AP1AR: variants seen among roughly 807,000 people sequenced by gnomAD.
AP1AR encodes AP-1 complex-associated regulatory protein.
A neutral mutation model predicts 46.3 loss-of-function variants in AP1AR; 29 were observed. The observed-to-expected ratio is 0.63, with a 90% CI of 0.47 to 0.85. The LOEUF is 0.85. Among genes scored for constraint, AP1AR ranks in the 40% least tolerant of loss-of-function variants. The pLI, the probability that AP1AR is intolerant of heterozygous loss-of-function variation, is 0.00. For synonymous variants in AP1AR, 122 were observed against 122.9 expected (o/e 0.99, Z 0.05); for missense variants, 357 against 356.3 (o/e 1.00, Z -0.02).
rs1578427145 is a variant in AP1AR at position 112,270,938 on chromosome 4, A to G, written c.*2529A>G. 6.6e-6 allele frequency among the ~76,000 whole-genome samples: 1 copy of G among 152,350 alleles called. No individual in the cohort carries two copies. Among genetic ancestry groups the G allele is most frequent in the South Asian group, 2.1e-4 (1 of 4,832 alleles). On this transcript the variant is annotated 3_prime_UTR_variant, in exon 10 of 10. Transcript: ENST00000274000. ...ATGGATTGTAAGAAGGCAAGAGTGG[A>G]TATATAGCACTCCCAATGGAATATA...
chr4:112,262,890 T>A (rs1726514413), intron 5 of AP1AR, 98 bp from the exon 6 acceptor site: 1 of 755,056 alleles, frequency 1.3e-6, no homozygotes. Flanking sequence ...TATTTTTTAA[T>A]AATTTATTTT....
In AP1AR at chr4:112,231,869, C is replaced by G. The variant is rs1056716291; in HGVS notation, c.-223C>G. ...AGAGCCTTGAGCCCGGTGCTCCTCC[C>G]TCGCGCAGCGGTGGCTCTGCGGCCG... On this transcript the variant is annotated 5_prime_UTR_variant, in exon 1 of 10. Transcript: ENST00000274000. 1 of 397,686 alleles carries G rather than the reference C, an allele frequency of 2.5e-6. No homozygotes were observed. Among genetic ancestry groups the G allele is most frequent in the Non-Finnish European group, 4.4e-6 (1 of 225,750 alleles). The allele number at this position is 397,686 out of a possible 1,614,324, so 24.6% of individuals were successfully genotyped here. A position where few individuals can be genotyped will look rare whatever the true frequency, so the allele number is the denominator to read the frequency against.
chr4:112,263,544 A>C (rs1164081126), intron 6 of AP1AR, among the ~76,000 whole-genome samples: 1 of 151,484 alleles, frequency 6.6e-6, no homozygotes, highest in Non-Finnish European at 1.5e-5. Context: ...TATTTTCCCC[A>C]TAAAATTATT....
At chr4:112,262,928 T>C in intron 5 of AP1AR, 60 bp from the exon 6 acceptor site, 1 of 1,105,700 alleles carries the variant, frequency 9.0e-7, no homozygotes, top group South Asian at 1.3e-5. Flanking sequence ...GCATTTTATT[T>C]TTAGAGCAGT....
In AP1AR at chr4:112,265,025, T is replaced by C. The variant is rs763182366; in HGVS notation, c.398T>C (p.Ile133Thr). 1 of 1,602,866 alleles carries C rather than the reference T, an allele frequency of 6.2e-7. No homozygotes were observed. The highest frequency in any genetic ancestry group is 1.1e-5 in the South Asian group (1 of 88,350). Residue 133 changes from isoleucine to threonine, a missense_variant, in exon 7 of 10, where the codon ATT (isoleucine) becomes ACT (threonine). Coordinates refer to ENST00000274000, the MANE Select transcript of AP1AR (RefSeq NM_018569.6). ...TTTCCAAAGCAAGAAAGGCAGAGAA[T>C]TGTGCAGCAATATCATCCTTCCAAC... Reference protein sequence around the residue: ...RKLLEQERQRIVQQYHPSNNG... With the variant: ...RKLLEQERQRTVQQYHPSNNG...
rs1366462207 is a variant in AP1AR at position 112,231,992 on chromosome 4, ACC to A, written c.-97_-96del. ...TGGCCGGCCCGCCCTCGGTCCTTGA[ACC>A]CCATTTCGGCTCGTGCCGTGCGGAT... On this transcript the variant is annotated 5_prime_UTR_variant, in exon 1 of 10. Coordinates refer to ENST00000274000, the MANE Select transcript of AP1AR (RefSeq NM_018569.6). 2 of 1,146,998 alleles carry A rather than the reference ACC, an allele frequency of 1.7e-6. No homozygotes were observed. The highest frequency in any genetic ancestry group is 5.4e-5 in the South Asian group (2 of 37,220). The allele number at this position is 1,146,998 out of a possible 1,614,324, so 71.1% of individuals were successfully genotyped here. A position where few individuals can be genotyped will look rare whatever the true frequency, so the allele number is the denominator to read the frequency against.
At chr4:112,267,327 G>T (rs1726750224) in intron 9 of AP1AR, among the ~76,000 whole-genome samples, 1 of 151,876 alleles carries the variant, frequency 6.6e-6, no homozygotes, top group Non-Finnish European at 1.5e-5. Context: ...TGTTGATTCT[G>T]TACTTACAGA....
At chr4:112,248,578 C>T (rs756688762) in intron 1 of AP1AR, among the ~76,000 whole-genome samples, 3 of 151,962 alleles carry the variant, frequency 2.0e-5, no homozygotes, top group East Asian at 3.8e-4. Flanking sequence ...TTTTTAAGTG[C>T]GGTAATGGGT....
chr4:112,249,183 A>C (rs1578409961), intron 1 of AP1AR, among the ~76,000 whole-genome samples: 1 of 151,946 alleles, frequency 6.6e-6, no homozygotes, highest in African/African-American at 2.4e-5. Flanking sequence ...AATCCCAGCT[A>C]CTCGGGAGGC....
intron 7 of AP1AR, 63 bp from the exon 8 acceptor site, chr4:112,265,671 T>G (rs1052459694): frequency 8.2e-7 from 1 of 1,213,010 alleles, no homozygotes; most frequent in Non-Finnish European, 1.2e-6. Context: ...ATCATTAGCT[T>G]ATATATTTGT....
intron 1 of AP1AR, among the ~76,000 whole-genome samples, chr4:112,244,178 T>G (rs1013162857): frequency 6.6e-6 from 1 of 152,198 alleles, no homozygotes; most frequent in Admixed American, 6.5e-5. Flanking sequence ...ACCATTTTCA[T>G]GGGTAAAAAG....
intron 1 of AP1AR, among the ~76,000 whole-genome samples, chr4:112,237,296 C>T (rs1339812338): frequency 2.6e-5 from 4 of 151,774 alleles, no homozygotes; most frequent in Non-Finnish European, 4.4e-5. Flanking sequence ...TTAGTAGAGA[C>T]GGGGTTTCGC....
chr4:112,238,508 T>C (rs1725349316), intron 1 of AP1AR, among the ~76,000 whole-genome samples: 1 of 152,162 alleles, frequency 6.6e-6, no homozygotes, highest in South Asian at 2.1e-4. Context: ...AAGATTTATT[T>C]TGGTTCTGCA....
intron 4 of AP1AR, among the ~76,000 whole-genome samples, chr4:112,259,486 G>A (rs1312591137): frequency 1.3e-5 from 2 of 152,174 alleles, no homozygotes; most frequent in South Asian, 2.1e-4. Context: ...TATATGTGAA[G>A]CATTGAGAAG....
chr4:112,241,034 C>T (rs748894414), intron 1 of AP1AR, among the ~76,000 whole-genome samples: 1 of 152,094 alleles, frequency 6.6e-6, no homozygotes, highest in Non-Finnish European at 1.5e-5. Context: ...CTCTAAGGTC[C>T]CTTCTCATTA....
At position 112,268,137 on chromosome 4, in the gene AP1AR, A is replaced by G. The variant is rs1162986295; in HGVS notation, c.644-7A>G. On this transcript the variant is annotated splice_region_variant and splice_polypyrimidine_tract_variant and intron_variant, in intron 9 of 9. Transcript: ENST00000274000. ...TGAGATTTTTGAAAACTCTGTTCAAATCATAGGAATGAATAGAATGCTTCC... is the reference window on the plus strand; with the variant it reads ...TGAGATTTTTGAAAACTCTGTTCAAGTCATAGGAATGAATAGAATGCTTCC... The G allele has an allele frequency of 1.3e-6, 2 of 1,527,148 alleles. No individual in the cohort carries two copies. The highest frequency in any genetic ancestry group is 4.5e-5 in the Admixed American group (2 of 44,748). 94.6% of individuals were successfully genotyped at this position (1,527,148 alleles called of 1,614,324 possible).
At chr4:112,241,851 T>C (rs1725513568) in intron 1 of AP1AR, among the ~76,000 whole-genome samples, 1 of 152,206 alleles carries the variant, frequency 6.6e-6, no homozygotes, top group African/African-American at 2.4e-5. Context: ...TTTGTAATAC[T>C]TTTTGCCAGG....
chr4:112,260,713 A>T (rs1726402771), intron 4 of AP1AR, 53 bp from the exon 5 acceptor site: 1 of 1,178,698 alleles, frequency 8.5e-7, no homozygotes, highest in African/African-American at 1.6e-5. Context: ...TTGGACTTAG[A>T]CTCATCAGAA....
At chr4:112,254,690 T>G in intron 2 of AP1AR, 57 bp from the exon 3 acceptor site, 586 of 1,082,872 alleles carry the variant, frequency 5.4e-4, no homozygotes, top group Non-Finnish European at 7.1e-4. Flanking sequence ...TAATTTCTTG[T>G]GAGATGTATA....
Sources: gnomAD v4.1 joint callset for allele counts (sites outside exome capture counted in the v4.1 genomes callset) on GRCh38, gnomAD v4.1.1 for gene constraint, MANE v1.5 for transcripts, NCBI Gene and HGNC (gene_info 2026-07-23, HGNC 2026-07-21) for gene names.